Variants in CHRNA7 observed in about 807,000 individuals in gnomAD.
CHRNA7 encodes cholinergic receptor nicotinic alpha 7 subunit, also known as neuronal acetylcholine receptor subunit alpha-7.
CHRNA7 carries 17 observed loss-of-function variants against 48.0 expected under a neutral mutation model. The observed-to-expected ratio is 0.35, with a 90% CI of 0.24 to 0.53. CHRNA7 has a LOEUF of 0.53. Ranked by LOEUF, CHRNA7 falls within the 20% of genes least tolerant of loss-of-function variation. The pLI is 0.92. For missense variants in CHRNA7, 155 were observed against 577.7 expected (o/e 0.27, Z 7.50); for synonymous variants, 75 against 242.3 (o/e 0.31, Z 6.41).
At chr15:32,070,801 C>G (rs1280486129) in intron 2 of CHRNA7, among the ~76,000 whole-genome samples, 1 of 150,524 alleles carries the variant, frequency 6.6e-6, no homozygotes, top group Non-Finnish European at 1.5e-5. Context: ...ATTCTCCTGC[C>G]TCAGCCTCCC....
At chr15:32,072,741 C>A (rs7179103) in intron 2 of CHRNA7, among the ~76,000 whole-genome samples, 121,720 of 152,190 alleles carry the variant, frequency 0.8, 50,284 homozygotes, top group Non-Finnish European at 0.91. Flanking sequence ...ACAGCTTGAG[C>A]CACTGCTTCA....
chr15:32,121,974 T>A (rs1268005403), intron 4 of CHRNA7, among the ~76,000 whole-genome samples: 1 of 152,236 alleles, frequency 6.6e-6, no homozygotes, highest in Admixed American at 6.5e-5. Flanking sequence ...CCCTGACGCC[T>A]GGCCACAGTC....
chr15:32,045,889 A>G (rs931754785), intron 2 of CHRNA7, among the ~76,000 whole-genome samples: 3 of 140,848 alleles, frequency 2.1e-5, no homozygotes, highest in Non-Finnish European at 4.5e-5. Flanking sequence ...TCATTGTTCA[A>G]TTCCCATCTA....
At chr15:32,125,793 A>ATG (rs2051056249) in intron 4 of CHRNA7, among the ~76,000 whole-genome samples, 4 of 152,236 alleles carry the variant, frequency 2.6e-5, no homozygotes, top group Admixed American at 2.6e-4. Context: ...TCGGTCATAC[A>ATG]TGGTCCCCCT....
intron 2 of CHRNA7, among the ~76,000 whole-genome samples, chr15:32,060,187 A>G (rs2049856485): frequency 6.6e-6 from 1 of 152,282 alleles, no homozygotes; most frequent in East Asian, 1.9e-4. Flanking sequence ...ACAGCAATCT[A>G]TAACTGAAAC....
chr15:32,109,907 G>A (rs973219890), intron 3 of CHRNA7, among the ~76,000 whole-genome samples: 3 of 152,178 alleles, frequency 2.0e-5, no homozygotes, highest in Non-Finnish European at 2.9e-5. Context: ...GCTGTGCCTT[G>A]GACGAGGTCT....
intron 2 of CHRNA7, among the ~76,000 whole-genome samples, chr15:32,060,497 A>C (rs930833266): frequency 6.6e-6 from 1 of 152,238 alleles, no homozygotes; most frequent in African/African-American, 2.4e-5. Flanking sequence ...CAAACCTTGA[A>C]GGGCAATAAT....
intron 2 of CHRNA7, among the ~76,000 whole-genome samples, chr15:32,043,448 T>TA (rs2049482954): frequency 6.6e-6 from 1 of 152,144 alleles, no homozygotes; most frequent in Non-Finnish European, 1.5e-5. Context: ...TCTTTTTTCT[T>TA]ACACTTTTCT....
Position 32,142,511 on chromosome 15 carries a change from A to G in CHRNA7, c.351-11396A>G, listed in dbSNP as rs998038824. ...GAAGAAATGGTACCGGCTCCTCTGTACCTCTGGCAGAATTCGGCTGTGAAT... is the reference window on the plus strand; with the variant it reads ...GAAGAAATGGTACCGGCTCCTCTGTGCCTCTGGCAGAATTCGGCTGTGAAT... On this transcript the variant is annotated intron_variant, in intron 4 of 9. Coordinates refer to ENST00000306901, the MANE Select transcript of CHRNA7 (RefSeq NM_000746.6). Among the ~76,000 whole-genome samples, 67 of 151,980 alleles carry G rather than the reference A, an allele frequency of 4.4e-4. 1 individual carries two copies. The highest frequency in any genetic ancestry group is 1.3e-4 in the Non-Finnish European group (9 of 67,972).
intron 4 of CHRNA7, among the ~76,000 whole-genome samples, chr15:32,114,918 A>C (rs2050842955): frequency 6.6e-6 from 1 of 152,152 alleles, no homozygotes; most frequent in Admixed American, 6.5e-5. Flanking sequence ...GTCTGGGCTG[A>C]GCTGGTGGGG....
chr15:32,140,935 A>G (rs1223760795), intron 4 of CHRNA7, among the ~76,000 whole-genome samples: 2 of 152,014 alleles, frequency 1.3e-5, no homozygotes, highest in Admixed American at 6.6e-5. Flanking sequence ...ATTAAATCCT[A>G]TTTGTATATT....
In CHRNA7 at chr15:32,101,283, CTTTTTT is replaced by C; in HGVS notation, c.196-10_196-5del. 1 of 1,451,586 alleles carries C rather than the reference CTTTTTT, an allele frequency of 6.9e-7. No individual in the cohort carries two copies. The highest frequency in any genetic ancestry group is 9.3e-7 in the Non-Finnish European group (1 of 1,079,524). The allele number at this position is 1,451,586 out of a possible 1,614,324, so 89.9% of individuals were successfully genotyped here. A position where few individuals can be genotyped will look rare whatever the true frequency, so the allele number is the denominator to read the frequency against. On this transcript the variant is annotated splice_polypyrimidine_tract_variant and intron_variant, in intron 2 of 9. Transcript: ENST00000306901. Reference sequence around the variant, plus strand: ...GTAAACCATATTATTTATGCTGCTGCTTTTTTTTTTTTTTTGAAGGATGAGAAGAAC... The same window carrying C: ...GTAAACCATATTATTTATGCTGCTGCTTTTTTTTTGAAGGATGAGAAGAAC...
chr15:32,124,108 G>T (rs1341805335), intron 4 of CHRNA7, among the ~76,000 whole-genome samples: 1 of 151,994 alleles, frequency 6.6e-6, no homozygotes, highest in African/African-American at 2.4e-5. Flanking sequence ...TCCTAGATGG[G>T]TTTCAAAAAA....
intron 2 of CHRNA7, chr15:32,099,482 G>A (rs1050639685): frequency 6.6e-6 from 1 of 152,210 alleles, no homozygotes; most frequent in Non-Finnish European, 1.5e-5. Flanking sequence ...CTGAAATTCA[G>A]TGTTCTCTAA....
At chr15:32,055,666 T>TG (rs2049774493) in intron 2 of CHRNA7, among the ~76,000 whole-genome samples, 1 of 152,180 alleles carries the variant, frequency 6.6e-6, no homozygotes. Context: ...GCATGAGTTT[T>TG]GGAGGGGTCA....
intron 2 of CHRNA7, among the ~76,000 whole-genome samples, chr15:32,078,736 G>T (rs545689825): frequency 1.3e-5 from 2 of 150,978 alleles, no homozygotes; most frequent in South Asian, 4.2e-4. Context: ...AGAGGACCTG[G>T]TACCATTTCT....
At chr15:32,086,284 G>A (rs1397075145) in intron 2 of CHRNA7, among the ~76,000 whole-genome samples, 3 of 145,922 alleles carry the variant, frequency 2.1e-5, no homozygotes, top group African/African-American at 7.6e-5. Flanking sequence ...CAGGAGAATG[G>A]CGTGAACCCT....
chr15:32,118,526 T>C (rs1303647174), intron 4 of CHRNA7, among the ~76,000 whole-genome samples: 9 of 152,116 alleles, frequency 5.9e-5, no homozygotes, highest in Admixed American at 5.2e-4. Context: ...GCAGCTTGTT[T>C]TAAAGCAGTG....
intron 2 of CHRNA7, among the ~76,000 whole-genome samples, chr15:32,085,122 C>A (rs905627563): frequency 1.3e-5 from 2 of 152,176 alleles, no homozygotes; most frequent in African/African-American, 4.8e-5. Context: ...AGCCACTGCA[C>A]CCGGCCTCCC....
Sources: gnomAD v4.1 joint callset for allele counts (sites outside exome capture counted in the v4.1 genomes callset) on GRCh38, gnomAD v4.1.1 for gene constraint, MANE v1.5 for transcripts, NCBI Gene and HGNC (gene_info 2026-07-23, HGNC 2026-07-21) for gene names.